Variants in ELP4 observed in about 807,000 individuals in gnomAD.
ELP4 encodes elongator acetyltransferase complex subunit 4.
Under a neutral mutation model 48.9 loss-of-function variants are expected in ELP4, and 51 were observed. That is an observed-to-expected ratio of 1.04 (90% CI 0.83 to 1.32). The LOEUF is 1.32. Among genes scored for constraint, ELP4 ranks in the 40% most tolerant of loss-of-function variants. The pLI, the probability that ELP4 is intolerant of heterozygous loss-of-function variation, is 0.00. For synonymous variants in ELP4, 210 were observed against 189.2 expected (o/e 1.11, Z -0.90); for missense variants, 519 against 514.6 (o/e 1.01, Z -0.08).
intron 9 of ELP4, chr11:31,653,593 A>G (rs747464934): frequency 2.0e-5 from 3 of 151,756 alleles, no homozygotes; most frequent in Non-Finnish European, 4.4e-5. Context: ...TTTCATCTTT[A>G]TATCTATCTA....
chr11:31,677,852 A>T (rs1254073912), intron 9 of ELP4, among the ~76,000 whole-genome samples: 1 of 152,176 alleles, frequency 6.6e-6, no homozygotes, highest in African/African-American at 2.4e-5. Context: ...GAATTGATAC[A>T]TTATTATTGA....
intron 9 of ELP4, among the ~76,000 whole-genome samples, chr11:31,658,411 A>ATTC (rs1945483351): frequency 6.6e-6 from 1 of 151,564 alleles, no homozygotes; most frequent in African/African-American, 2.4e-5. Context: ...GGGTGATGAT[A>ATTC]TTCTGTTTTT....
chr11:31,725,973 G>T (rs900616025), intron 9 of ELP4, among the ~76,000 whole-genome samples: 1 of 152,060 alleles, frequency 6.6e-6, no homozygotes, highest in Non-Finnish European at 1.5e-5. Context: ...TTTACATATC[G>T]GTTTCCTTAC....
At chr11:31,540,844 A>G (rs1956579790) in intron 3 of ELP4, among the ~76,000 whole-genome samples, 2 of 152,200 alleles carry the variant, frequency 1.3e-5, no homozygotes. Context: ...AGAAGTACTC[A>G]TTGATTAATA....
chr11:31,728,524 TAGTA>T (rs1420530737), intron 9 of ELP4, among the ~76,000 whole-genome samples: 1 of 152,126 alleles, frequency 6.6e-6, no homozygotes, highest in African/African-American at 2.4e-5. Flanking sequence ...AGCTAACCAA[TAGTA>T]AGTATGAGTT....
chr11:31,733,524 AT>A (rs1947241659), intron 9 of ELP4, among the ~76,000 whole-genome samples: 1 of 151,704 alleles, frequency 6.6e-6, no homozygotes, highest in Admixed American at 6.6e-5. Flanking sequence ...AAGAGGAGAC[AT>A]TACAACTGAC....
At chr11:31,667,072 A>G (rs1945695464) in intron 9 of ELP4, among the ~76,000 whole-genome samples, 1 of 152,210 alleles carries the variant, frequency 6.6e-6, no homozygotes, top group African/African-American at 2.4e-5. Flanking sequence ...TTTGGATATT[A>G]AAATACTTTA....
chr11:31,615,324 A>G (rs760933021), intron 5 of ELP4, among the ~76,000 whole-genome samples: 11 of 152,048 alleles, frequency 7.2e-5, no homozygotes, highest in Non-Finnish European at 1.3e-4. Flanking sequence ...CGTTAAGAGG[A>G]TGTTCTCAGA....
intron 9 of ELP4, among the ~76,000 whole-genome samples, chr11:31,742,978 C>T (rs577793938): frequency 6.6e-6 from 1 of 152,190 alleles, no homozygotes; most frequent in Admixed American, 6.5e-5. Flanking sequence ...GAGTCAAGAC[C>T]CATCAGTGTG....
At chr11:31,625,240 A>G (rs547486952) in intron 5 of ELP4, among the ~76,000 whole-genome samples, 39 of 151,880 alleles carry the variant, frequency 2.6e-4, no homozygotes, top group Middle Eastern at 3.4e-3. Flanking sequence ...TTCTATTACA[A>G]TCTTATGGGG....
intron 9 of ELP4, among the ~76,000 whole-genome samples, chr11:31,673,097 A>G (rs563671625): frequency 4.0e-5 from 6 of 149,460 alleles, no homozygotes; most frequent in Non-Finnish European, 7.4e-5. Flanking sequence ...GCTCACTGCA[A>G]CCTCCGCCTT....
intron 9 of ELP4, among the ~76,000 whole-genome samples, chr11:31,659,726 AC>A (rs2134088120): frequency 6.6e-6 from 1 of 152,208 alleles, no homozygotes; most frequent in African/African-American, 2.4e-5. Flanking sequence ...AGTGGCTCAC[AC>A]CTGTAATCTC....
chr11:31,602,915 G>A (rs552164316), intron 4 of ELP4, among the ~76,000 whole-genome samples: 184 of 151,938 alleles, frequency 1.2e-3, no homozygotes, highest in African/African-American at 4.3e-3. Flanking sequence ...TTTGGATAGT[G>A]ATGTATATAT....
chr11:31,732,783 A>G (rs1947219520), intron 9 of ELP4, among the ~76,000 whole-genome samples: 1 of 152,212 alleles, frequency 6.6e-6, no homozygotes, highest in South Asian at 2.1e-4. Flanking sequence ...CACACAAAAT[A>G]TACTTTTTGT....
intron 2 of ELP4, among the ~76,000 whole-genome samples, chr11:31,535,543 C>T (rs1470332524): frequency 6.6e-6 from 1 of 152,112 alleles, no homozygotes; most frequent in Admixed American, 6.6e-5. Context: ...TGAGGTATCA[C>T]TGTATTGCTC....
chr11:31,630,468 A>G (rs1367305013), intron 6 of ELP4, among the ~76,000 whole-genome samples: 3 of 151,764 alleles, frequency 2.0e-5, no homozygotes, highest in Admixed American at 1.3e-4. Context: ...TGCTGGGACT[A>G]CAGGTGCGCA....
chr11:31,712,122 T>C (rs959604084), intron 9 of ELP4, among the ~76,000 whole-genome samples: 2 of 152,058 alleles, frequency 1.3e-5, no homozygotes, highest in Non-Finnish European at 2.9e-5. Context: ...ATGAACAACC[T>C]AGAATATAAC....
chr11:31,592,740 C>T (rs1017883203), intron 3 of ELP4, among the ~76,000 whole-genome samples: 28 of 151,640 alleles, frequency 1.8e-4, no homozygotes, highest in Non-Finnish European at 3.4e-4. Context: ...CATGGTAAAA[C>T]GTCTATTATG....
At chr11:31,581,981 T>G (rs1957400418) in intron 3 of ELP4, among the ~76,000 whole-genome samples, 1 of 152,146 alleles carries the variant, frequency 6.6e-6, no homozygotes, top group African/African-American at 2.4e-5. Flanking sequence ...CTTAAATTTC[T>G]GGCCTCAGGT....
Sources: gnomAD v4.1 joint callset for allele counts (sites outside exome capture counted in the v4.1 genomes callset) on GRCh38, gnomAD v4.1.1 for gene constraint, MANE v1.5 for transcripts, NCBI Gene and HGNC (gene_info 2026-07-23, HGNC 2026-07-21) for gene names.